Variants in HS6ST3 observed in about 807,000 individuals in gnomAD.
HS6ST3 encodes the protein heparan-sulfate 6-O-sulfotransferase 3.
In HS6ST3, 12 loss-of-function variants were observed where a neutral mutation model predicts 36.7. That is an observed-to-expected ratio of 0.33 (90% confidence interval 0.21 to 0.53). The LOEUF is 0.53. Among genes scored for constraint, HS6ST3 ranks in the 20% least tolerant of loss-of-function variants. The probability of loss-of-function intolerance (pLI) is 0.95; values close to 1 mark genes in which losing one functional copy is unlikely to be tolerated. For missense variants in HS6ST3, 584 were observed against 640.9 expected (o/e 0.91, Z 0.96); for synonymous variants, 240 against 257.5 (o/e 0.93, Z 0.65).
At chr13:96,225,750 T>A (rs1337656917) in intron 1 of HS6ST3, among the ~76,000 whole-genome samples, 3 of 152,204 alleles carry the variant, frequency 2.0e-5, no homozygotes, top group African/African-American at 7.2e-5. Flanking sequence ...TTGGTTTTCA[T>A]GTCTATATTT....
intron 1 of HS6ST3, among the ~76,000 whole-genome samples, chr13:96,800,571 C>T (rs763006908): frequency 6.6e-6 from 1 of 152,002 alleles, no homozygotes; most frequent in Non-Finnish European, 1.5e-5. Context: ...AAGACTTTTC[C>T]ATTTCTGGGA....
intron 1 of HS6ST3, among the ~76,000 whole-genome samples, chr13:96,181,809 G>T (rs573791769): frequency 6.6e-6 from 1 of 152,228 alleles, no homozygotes; most frequent in Non-Finnish European, 1.5e-5. Flanking sequence ...TAAAAAGAGC[G>T]TTTTAATTTA....
chr13:96,331,065 A>T (rs2055063761), intron 1 of HS6ST3, among the ~76,000 whole-genome samples: 1 of 152,028 alleles, frequency 6.6e-6, no homozygotes, highest in Non-Finnish European at 1.5e-5. Context: ...TGTATTGGTT[A>T]TTCTAGTTAT....
At chr13:96,410,601 T>C (rs1429302439) in intron 1 of HS6ST3, among the ~76,000 whole-genome samples, 1 of 152,008 alleles carries the variant, frequency 6.6e-6, no homozygotes, top group Non-Finnish European at 1.5e-5. Context: ...TATAATAGGG[T>C]AGTATAAAAA....
intron 1 of HS6ST3, among the ~76,000 whole-genome samples, chr13:96,573,016 G>A (rs980518404): frequency 2.0e-5 from 3 of 152,130 alleles, no homozygotes; most frequent in Non-Finnish European, 4.4e-5. Context: ...CATTTTCAGT[G>A]TTATAATGAA....
At chr13:96,669,062 C>T (rs980211353) in intron 1 of HS6ST3, among the ~76,000 whole-genome samples, 2 of 152,102 alleles carry the variant, frequency 1.3e-5, no homozygotes, top group Non-Finnish European at 2.9e-5. Flanking sequence ...AGCAAAATAT[C>T]ACCTGATGTG....
chr13:96,779,137 G>A (rs968256066), intron 1 of HS6ST3, among the ~76,000 whole-genome samples: 29 of 152,066 alleles, frequency 1.9e-4, no homozygotes, highest in Non-Finnish European at 1.5e-5. Context: ...CATGGACACA[G>A]GGAGGGGAAC....
At chr13:96,811,500 A>G (rs1184882709) in intron 1 of HS6ST3, among the ~76,000 whole-genome samples, 1 of 152,242 alleles carries the variant, frequency 6.6e-6, no homozygotes, top group Middle Eastern at 3.2e-3. Flanking sequence ...ACTTAATATT[A>G]TTCCATTTTT....
At chr13:96,831,899 G>A (rs1169934663) in intron 1 of HS6ST3, among the ~76,000 whole-genome samples, 5 of 135,974 alleles carry the variant, frequency 3.7e-5, no homozygotes, top group African/African-American at 1.4e-4. Flanking sequence ...AGGTTGCGGT[G>A]AGCTGAGATT....
chr13:96,137,787 G>T lies in HS6ST3; in HGVS notation c.707+46218G>T, dbSNP rs138209268. ...CCCATCCCTGTTTCAGGCCGCCCAG[G>T]GAAGCAGATAAGGAAGTTGCAGGGA... On this transcript the variant is annotated intron_variant, in intron 1 of 1. Transcript: ENST00000376705. Among the ~76,000 whole-genome samples the T allele has an allele frequency of 6.8e-3, 1,041 of 152,220 alleles. 9 individuals carry two copies. Among genetic ancestry groups the T allele is most frequent in the Non-Finnish European group, 0.011 (728 of 68,008 alleles).
chr13:96,597,790 A>G (rs1179052149), intron 1 of HS6ST3, among the ~76,000 whole-genome samples: 1 of 152,060 alleles, frequency 6.6e-6, no homozygotes, highest in Non-Finnish European at 1.5e-5. Flanking sequence ...TTCTTCTAGA[A>G]TTTTTATGAT....
Position 96,593,743 on chromosome 13 carries a change from T to C in HS6ST3, c.708-238747T>C, listed in dbSNP as rs955332045. On this transcript the variant is annotated intron_variant, in intron 1 of 1. Coordinates refer to ENST00000376705, the MANE Select transcript of HS6ST3 (RefSeq NM_153456.4). Reference sequence around the variant, plus strand: ...TTGAGGTGCATATATATTTATAATATCCTCTTGCTGAATTGACTCCTTTAT... The same window carrying C: ...TTGAGGTGCATATATATTTATAATACCCTCTTGCTGAATTGACTCCTTTAT... 2.6e-5 allele frequency among the ~76,000 whole-genome samples: 4 copies of C among 152,028 alleles called. No homozygotes were observed. In the South Asian group the frequency reaches 8.3e-4, roughly 31 times the overall value.
At chr13:96,658,658 T>A (rs2056635657) in intron 1 of HS6ST3, among the ~76,000 whole-genome samples, 1 of 151,774 alleles carries the variant, frequency 6.6e-6, no homozygotes, top group Non-Finnish European at 1.5e-5. Flanking sequence ...TTATGAATGT[T>A]TTTGTATGGC....
At chr13:96,832,045 C>A (rs1313091605) in intron 1 of HS6ST3, among the ~76,000 whole-genome samples, 1 of 148,536 alleles carries the variant, frequency 6.7e-6, no homozygotes, top group Non-Finnish European at 1.5e-5. Flanking sequence ...GGATAAATCA[C>A]TTCACCTCCT....
At chr13:96,266,761 T>C (rs1341084842) in intron 1 of HS6ST3, among the ~76,000 whole-genome samples, 1 of 152,200 alleles carries the variant, frequency 6.6e-6, no homozygotes, top group Non-Finnish European at 1.5e-5. Context: ...CTTTCATTCA[T>C]GCAACAAGTG....
rs116538082 is a variant in HS6ST3, at chr13:96,805,501, G to A, written c.708-26989G>A. On this transcript the variant is annotated intron_variant, in intron 1 of 1. Transcript: ENST00000376705. ...TAGTTCTTTATAATGGACTAATACA[G>A]TGATTACAATGATGATGACGACAAT... 7.3e-3 allele frequency among the ~76,000 whole-genome samples: 1,113 copies of A among 152,236 alleles called. 9 individuals are homozygous for A. The highest frequency in any genetic ancestry group is 0.024 in the African/African-American group (1,012 of 41,510).
intron 1 of HS6ST3, among the ~76,000 whole-genome samples, chr13:96,133,279 C>G (rs575230440): frequency 3.3e-5 from 5 of 152,236 alleles, no homozygotes; most frequent in Admixed American, 6.5e-5. Context: ...AGGTGCCCAC[C>G]ACCATGCCTG....
At chr13:96,381,986 G>A (rs549325853) in intron 1 of HS6ST3, among the ~76,000 whole-genome samples, 2 of 152,250 alleles carry the variant, frequency 1.3e-5, no homozygotes, top group South Asian at 2.1e-4. Context: ...AGAGCTGTGG[G>A]AGGCAGGCTT....
intron 1 of HS6ST3, among the ~76,000 whole-genome samples, chr13:96,724,246 A>G (rs1478702776): frequency 1.3e-5 from 2 of 152,260 alleles, no homozygotes; most frequent in African/African-American, 4.8e-5. Context: ...TAAAAAATGC[A>G]CTGAGCAGAT....
Sources: gnomAD v4.1 joint callset for allele counts (sites outside exome capture counted in the v4.1 genomes callset) on GRCh38, gnomAD v4.1.1 for gene constraint, MANE v1.5 for transcripts, NCBI Gene and HGNC (gene_info 2026-07-23, HGNC 2026-07-21) for gene names.